ZNF423: variants seen among roughly 807,000 people sequenced by gnomAD.
The protein encoded by ZNF423 is zinc finger protein 423, also known as Ebf-associated zinc finger protein.
Under a neutral mutation model 95.8 loss-of-function variants are expected in ZNF423, and 12 were observed. The ratio of observed to expected loss-of-function variants is 0.13; its 90% CI spans 0.08 to 0.20. ZNF423 has a LOEUF of 0.20. Ranked by LOEUF, ZNF423 falls within the 10% of genes least tolerant of loss-of-function variation. The pLI, the probability that ZNF423 is intolerant of heterozygous loss-of-function variation, is 1.00. For missense variants in ZNF423, 1,316 were observed against 1,737.1 expected, an observed-to-expected ratio of 0.76 and a Z score of 4.31; for synonymous variants, 749 against 711.9, an observed-to-expected ratio of 1.05 and a Z score of -0.83.
At chr16:49,757,896 C>T (rs1009826141) in intron 2 of ZNF423, among the ~76,000 whole-genome samples, 5 of 152,136 alleles carry the variant, frequency 3.3e-5, no homozygotes, top group Non-Finnish European at 7.3e-5. Flanking sequence ...TCCCCTGACC[C>T]GCCCTCGGCT....
At chr16:49,674,522 C>T (rs1368730238) in intron 3 of ZNF423, among the ~76,000 whole-genome samples, 1 of 152,168 alleles carries the variant, frequency 6.6e-6, no homozygotes, top group African/African-American at 2.4e-5. Context: ...GGGCCAGAGC[C>T]CACATCTGAC....
At chr16:49,608,418 A>G (rs962250370) in intron 5 of ZNF423, among the ~76,000 whole-genome samples, 2 of 152,178 alleles carry the variant, frequency 1.3e-5, no homozygotes, top group Non-Finnish European at 2.9e-5. Flanking sequence ...GAATAAAACA[A>G]TGTTTATGGA....
Position 49,847,911 on chromosome 16 carries a change from C to A in ZNF423, c.40+7824G>T, listed in dbSNP as rs184198637. Among the ~76,000 whole-genome samples, 67 of 152,166 alleles carry A rather than the reference C, an allele frequency of 4.4e-4. 1 individual carries two copies. Among genetic ancestry groups the A allele is most frequent in the Admixed American group, 3.3e-3 (51 of 15,276 alleles). ...GTCGAGGCAGGAGGATTCCCTGAAG[C>A]CTGGCATTCAAGACCAGCCTGGGCA... On this transcript the variant is annotated intron_variant, in intron 1 of 7. Coordinates refer to ENST00000563137, the MANE Select transcript of ZNF423 (RefSeq NM_001379286.1).
chr16:49,857,526 C>G (rs1015408229), upstream of ZNF423, among the ~76,000 whole-genome samples: 3 of 152,184 alleles, frequency 2.0e-5, no homozygotes, highest in African/African-American at 7.2e-5. The surrounding 1 kb of genome is among the most constrained non-coding windows in gnomAD (Gnocchi z 6.2). Flanking sequence ...ATTGCCACCT[C>G]GCGATGTATG....
intron 5 of ZNF423, among the ~76,000 whole-genome samples, chr16:49,578,688 C>T (rs1970574402): frequency 6.6e-6 from 1 of 152,204 alleles, no homozygotes; most frequent in Non-Finnish European, 1.5e-5. Context: ...TGGGCTCCCA[C>T]AGTAGGCAGC....
chr16:49,839,267 C>A (rs1277008677), intron 1 of ZNF423, among the ~76,000 whole-genome samples: 1 of 152,060 alleles, frequency 6.6e-6, no homozygotes. Context: ...TCGGCCCCCA[C>A]ACCCAGACAC....
chr16:49,602,749 C>T (rs766678314), intron 5 of ZNF423, among the ~76,000 whole-genome samples: 2 of 152,126 alleles, frequency 1.3e-5, no homozygotes, highest in Non-Finnish European at 1.5e-5. Context: ...CTCTTGTTTC[C>T]GGCAGGGGTG....
intron 2 of ZNF423, among the ~76,000 whole-genome samples, chr16:49,741,938 C>G (rs551874390): frequency 6.6e-6 from 1 of 152,228 alleles, no homozygotes; most frequent in Non-Finnish European, 1.5e-5. Flanking sequence ...GGTGACCTCA[C>G]TCCAGGTCTC....
intron 1 of ZNF423, among the ~76,000 whole-genome samples, chr16:49,794,601 CT>C (rs2034470315): frequency 6.6e-6 from 1 of 152,198 alleles, no homozygotes; most frequent in South Asian, 2.1e-4. Context: ...TGCAGAAAGG[CT>C]CTGGAGTGGC....
intron 3 of ZNF423, among the ~76,000 whole-genome samples, chr16:49,679,642 G>A (rs117896588): frequency 3.3e-5 from 5 of 152,356 alleles, no homozygotes; most frequent in East Asian, 1.9e-4. Flanking sequence ...GTGGCTCAGC[G>A]TGGGCCTGCA....
intron 2 of ZNF423, among the ~76,000 whole-genome samples, chr16:49,762,804 A>G (rs1290319642): frequency 1.3e-5 from 2 of 152,202 alleles, no homozygotes; most frequent in Non-Finnish European, 2.9e-5. Flanking sequence ...AACCAGCCCA[A>G]CGCTTGGTCT....
chr16:49,819,215 A>T (rs536842756), intron 1 of ZNF423, among the ~76,000 whole-genome samples: 3 of 135,436 alleles, frequency 2.2e-5, no homozygotes, highest in Non-Finnish European at 4.6e-5. Context: ...GTGCCACTGC[A>T]CTCCAGCCTG....
intron 5 of ZNF423, among the ~76,000 whole-genome samples, chr16:49,537,341 A>T (rs1253317344): frequency 6.6e-6 from 1 of 152,192 alleles, no homozygotes; most frequent in Non-Finnish European, 1.5e-5. Flanking sequence ...TGGCTCATCG[A>T]GGAAATAAAT....
intron 3 of ZNF423, among the ~76,000 whole-genome samples, chr16:49,719,827 T>G (rs1432941608): frequency 1.3e-5 from 2 of 152,232 alleles, no homozygotes; most frequent in Non-Finnish European, 2.9e-5. Context: ...TCTCAGGTAG[T>G]TCTTTATAGC....
intron 1 of ZNF423, among the ~76,000 whole-genome samples, chr16:49,840,047 T>C (rs1447462092): frequency 1.3e-5 from 2 of 152,188 alleles, no homozygotes; most frequent in Admixed American, 6.5e-5. Flanking sequence ...GCCTGGTACA[T>C]AGTAGGTTCT....
At chr16:49,739,700 T>G (rs1295737773) in intron 2 of ZNF423, among the ~76,000 whole-genome samples, 14 of 148,538 alleles carry the variant, frequency 9.4e-5, no homozygotes, top group South Asian at 2.1e-4. Context: ...TGTTTGGTTT[T>G]TTTTTTTTTT....
intron 3 of ZNF423, among the ~76,000 whole-genome samples, chr16:49,719,675 A>T (rs1567309555): frequency 6.6e-6 from 1 of 152,058 alleles, no homozygotes; most frequent in Admixed American, 6.5e-5. Flanking sequence ...ATCTCTCCTG[A>T]TTCACCATGC....
chr16:49,587,914 C>G (rs1372199217), intron 5 of ZNF423, among the ~76,000 whole-genome samples: 1 of 152,168 alleles, frequency 6.6e-6, no homozygotes, highest in Non-Finnish European at 1.5e-5. Context: ...ACTGACCACC[C>G]CCTATCTTCA....
chr16:49,590,830 C>T (rs971817892), intron 5 of ZNF423, among the ~76,000 whole-genome samples: 3 of 152,204 alleles, frequency 2.0e-5, no homozygotes. Flanking sequence ...CTCCAGCCGG[C>T]CCGGTGAGGG....
Sources: gnomAD v4.1 joint callset for allele counts (sites outside exome capture counted in the v4.1 genomes callset) on GRCh38, gnomAD v4.1.1 for gene constraint, Gnocchi (gnomAD v3.1) non-coding constraint, MANE v1.5 for transcripts, NCBI Gene and HGNC (gene_info 2026-07-23, HGNC 2026-07-21) for gene names.